ARHGEF3: variants seen among roughly 807,000 people sequenced by gnomAD.
The protein encoded by ARHGEF3 is 59.8 kDA protein.
In ARHGEF3, 28 loss-of-function variants were observed where a neutral mutation model predicts 63.2. The ratio of observed to expected loss-of-function variants is 0.44; its 90% CI spans 0.33 to 0.61. ARHGEF3 has a LOEUF of 0.61. Among genes scored for constraint, ARHGEF3 ranks in the 20% least tolerant of loss-of-function variants. The probability of loss-of-function intolerance (pLI) is 0.03; values close to 1 mark genes in which losing one functional copy is unlikely to be tolerated. For synonymous variants in ARHGEF3, 266 were observed against 254.2 expected, an observed-to-expected ratio of 1.05 and a Z score of -0.44; for missense variants, 533 against 659.3, an observed-to-expected ratio of 0.81 and a Z score of 2.10.
chr3:56,993,629 C>T (rs1210005656), intron 2 of ARHGEF3, among the ~76,000 whole-genome samples: 1 of 152,000 alleles, frequency 6.6e-6, no homozygotes, highest in Admixed American at 6.6e-5. Context: ...CCTGTCACAG[C>T]CTCCCAAAGT....
At chr3:56,820,853 A>G (rs1357413818) in intron 4 of ARHGEF3, among the ~76,000 whole-genome samples, 3 of 152,034 alleles carry the variant, frequency 2.0e-5, no homozygotes, top group South Asian at 2.1e-4. Flanking sequence ...CAGATGGGAT[A>G]AGGGATGGTG....
intron 2 of ARHGEF3, among the ~76,000 whole-genome samples, chr3:56,974,055 C>T (rs1701029208): frequency 6.6e-6 from 1 of 152,146 alleles, no homozygotes; most frequent in African/African-American, 2.4e-5. Flanking sequence ...CACTGCACTC[C>T]AGCCTGGGCG....
intron 3 of ARHGEF3, chr3:56,938,708 G>T (rs1250103778): frequency 6.6e-6 from 1 of 152,236 alleles, no homozygotes; most frequent in African/African-American, 2.4e-5. Flanking sequence ...AAATTAGCCA[G>T]CTGTTCATCC....
chr3:56,831,055 T>G (rs1159575904), intron 4 of ARHGEF3, among the ~76,000 whole-genome samples: 3 of 152,212 alleles, frequency 2.0e-5, no homozygotes, highest in Non-Finnish European at 4.4e-5. Context: ...GACAGAGATC[T>G]TGTCCCTCAT....
intron 3 of ARHGEF3, among the ~76,000 whole-genome samples, chr3:56,928,004 T>C (rs2042319441): frequency 6.6e-6 from 1 of 152,164 alleles, no homozygotes; most frequent in African/African-American, 2.4e-5. Context: ...TAGATTGACA[T>C]GCAGGAAATC....
At chr3:56,735,560 C>T (rs1238344451) in intron 8 of ARHGEF3, among the ~76,000 whole-genome samples, 1 of 152,166 alleles carries the variant, frequency 6.6e-6, no homozygotes, top group Non-Finnish European at 1.5e-5. Flanking sequence ...GTTCTCAGTC[C>T]TTCACTGATG....
intron 1 of ARHGEF3, among the ~76,000 whole-genome samples, chr3:57,071,955 T>C (rs1180370486): frequency 3.9e-5 from 6 of 152,034 alleles, no homozygotes; most frequent in African/African-American, 1.4e-4. Context: ...TAAAAATAGA[T>C]AAAAGACCAA....
chr3:56,995,636 A>C (rs1173749955), intron 2 of ARHGEF3, among the ~76,000 whole-genome samples: 4 of 85,544 alleles, frequency 4.7e-5, no homozygotes, highest in Non-Finnish European at 7.7e-5. Context: ...AGAGAGAGAG[A>C]GAGAGAGAGA....
At chr3:56,927,414 T>A (rs2042302409) in intron 3 of ARHGEF3, among the ~76,000 whole-genome samples, 1 of 152,198 alleles carries the variant, frequency 6.6e-6, no homozygotes, top group Non-Finnish European at 1.5e-5. Context: ...TGCAAATCTG[T>A]GTAAATAGCT....
chr3:56,801,412 G>C (rs1432162483), intron 1 of ARHGEF3, among the ~76,000 whole-genome samples: 1 of 152,264 alleles, frequency 6.6e-6, no homozygotes, highest in Admixed American at 6.5e-5. Context: ...GCCCTGCAAA[G>C]GCAAGGAGGC....
At chr3:56,924,175 C>T (rs1219823008) in intron 3 of ARHGEF3, among the ~76,000 whole-genome samples, 1 of 152,206 alleles carries the variant, frequency 6.6e-6, no homozygotes, top group Admixed American at 6.5e-5. Context: ...AGGGGAGAAA[C>T]ATGCTACCCC....
chr3:57,069,847 G>C (rs924685597), intron 1 of ARHGEF3, among the ~76,000 whole-genome samples: 4 of 152,132 alleles, frequency 2.6e-5, no homozygotes, highest in Non-Finnish European at 4.4e-5. Context: ...GTCTCGCTTT[G>C]CTGCCCAGGC....
intron 3 of ARHGEF3, among the ~76,000 whole-genome samples, chr3:56,914,028 G>A (rs1299319935): frequency 1.3e-5 from 2 of 152,148 alleles, no homozygotes; most frequent in Non-Finnish European, 1.5e-5. Flanking sequence ...ACTCAGGAAT[G>A]GAAAACCAAA....
chr3:57,017,005 G>GTCTC lies in ARHGEF3; in HGVS notation c.62+18079_62+18082dup, dbSNP rs370663400. Among the ~76,000 whole-genome samples, 1,047 of 129,070 alleles carry GTCTC rather than the reference G, an allele frequency of 8.1e-3. 12 individuals are homozygous for GTCTC. The highest frequency in any genetic ancestry group is 0.042 in the Middle Eastern group (11 of 262). 84.7% of individuals were successfully genotyped at this position (129,070 alleles called of 152,430 possible). On this transcript the variant is annotated intron_variant, in intron 2 of 12. Transcript: ENST00000338458. ...GGAGAGAGAGGAAAGCTTTCTCTCTGTCTCTCTCTCTCTCTCTCTCTCTCT... is the reference window on the plus strand; with the variant it reads ...GGAGAGAGAGGAAAGCTTTCTCTCTGTCTCTCTCTCTCTCTCTCTCTCTCTCTCT...
intron 2 of ARHGEF3, among the ~76,000 whole-genome samples, chr3:56,762,641 A>G (rs1032916352): frequency 3.9e-5 from 6 of 152,180 alleles, no homozygotes; most frequent in African/African-American, 1.4e-4. Context: ...ACAGCCACAG[A>G]TAACATGCTC....
At chr3:56,850,278 C>T (rs2039631624) in intron 4 of ARHGEF3, among the ~76,000 whole-genome samples, 1 of 152,210 alleles carries the variant, frequency 6.6e-6, no homozygotes, top group South Asian at 2.1e-4. Context: ...CCTGTAATCC[C>T]AGCACTTTGG....
intron 2 of ARHGEF3, among the ~76,000 whole-genome samples, chr3:57,000,336 ACACAC>A (rs562659545): frequency 1.5e-3 from 225 of 151,494 alleles, no homozygotes; most frequent in African/African-American, 8.2e-4. Context: ...ACACACACAC[ACACAC>A]ACCTTAAGCA....
At chr3:57,053,068 G>A (rs1313988018) in intron 1 of ARHGEF3, among the ~76,000 whole-genome samples, 4 of 152,154 alleles carry the variant, frequency 2.6e-5, no homozygotes, top group Non-Finnish European at 5.9e-5. Flanking sequence ...TTTAATCCTC[G>A]GCTTCATGCA....
intron 2 of ARHGEF3, among the ~76,000 whole-genome samples, chr3:57,017,614 C>A (rs1194774133): frequency 6.6e-6 from 1 of 152,176 alleles, no homozygotes; most frequent in Non-Finnish European, 1.5e-5. Flanking sequence ...CCTTCCCTGC[C>A]CCCACCAGCT....
Sources: gnomAD v4.1 joint callset for allele counts (sites outside exome capture counted in the v4.1 genomes callset) on GRCh38, gnomAD v4.1.1 for gene constraint, MANE v1.5 for transcripts, NCBI Gene and HGNC (gene_info 2026-07-23, HGNC 2026-07-21) for gene names.